Variants in SLC26A3 observed in about 807,000 individuals in gnomAD.
SLC26A3 encodes chloride anion exchanger.
Under a neutral mutation model 85.6 loss-of-function variants are expected in SLC26A3, and 64 were observed. The observed-to-expected ratio is 0.75, with a 90% CI of 0.61 to 0.92. The LOEUF (loss-of-function observed/expected upper bound fraction) is 0.92. Ranked by LOEUF, SLC26A3 falls within the 40% of genes least tolerant of loss-of-function variation. SLC26A3 has a pLI of 0.00. For missense variants in SLC26A3, 922 were observed against 927.3 expected, an observed-to-expected ratio of 0.99 and a Z score of 0.07; for synonymous variants, 349 against 336.0, an observed-to-expected ratio of 1.04 and a Z score of -0.42.
At chr7:107,796,855 A>G (rs201601697) in intron 1 of SLC26A3, among the ~76,000 whole-genome samples, 3 of 151,998 alleles carry the variant, frequency 2.0e-5, no homozygotes, top group Admixed American at 6.5e-5. Context: ...AAAAAAAAAG[A>G]TTCTGCTCTT....
At chr7:107,778,305 C>T (rs1214241124) in intron 12 of SLC26A3, 24 bp from the exon 13 acceptor site, 7 of 1,385,654 alleles carry the variant, frequency 5.1e-6, no homozygotes, top group African/African-American at 4.4e-5. Flanking sequence ...GCAACACATA[C>T]ACTACAATTT....
intron 1 of SLC26A3, among the ~76,000 whole-genome samples, chr7:107,797,106 C>T (rs966022544): frequency 2.0e-5 from 3 of 152,192 alleles, no homozygotes; most frequent in Non-Finnish European, 4.4e-5. Context: ...GATCAAGAGC[C>T]TGAACTCTGG....
At chr7:107,795,918 C>A (rs112548453) in intron 1 of SLC26A3, among the ~76,000 whole-genome samples, 1,962 of 152,078 alleles carry the variant, frequency 0.013, 50 homozygotes, top group African/African-American at 0.045. Context: ...AGATGCTGGC[C>A]TCTACTGCTG....
intron 5 of SLC26A3, among the ~76,000 whole-genome samples, chr7:107,790,512 C>T (rs1466270572): frequency 6.6e-6 from 1 of 152,186 alleles, no homozygotes; most frequent in Non-Finnish European, 1.5e-5. Context: ...AAGTCCATGA[C>T]ATTTTCAGTA....
intron 6 of SLC26A3, 113 bp from the exon 7 acceptor site, chr7:107,787,622 T>A (rs1467073637): frequency 1.5e-5 from 13 of 882,798 alleles, no homozygotes; most frequent in Non-Finnish European, 2.0e-5. Context: ...TGATAGAGAC[T>A]GATAGTGATT....
In SLC26A3 at chr7:107,789,560, T is replaced by C. The variant is rs773309276; in HGVS notation, c.699A>G (p.Thr233=). The C allele has an allele frequency of 1.9e-6, 3 of 1,614,022 alleles. No homozygotes were observed. Among genetic ancestry groups the C allele is most frequent in the Admixed American group, 1.7e-5 (1 of 60,002 alleles). ...VSQLKFIFQL[T]VPSHTDPVSI... ...AAACTGGATCAGTGTGTGACGGGAC[T>C]GTCAACTGAAAAATGAATTTGAGTT... Residue 233 remains threonine (T), a synonymous_variant, in exon 6 of 21, where the codon ACA becomes ACG. Transcript: ENST00000340010.
Position 107,765,702 on chromosome 7 carries a change from A to G in SLC26A3, c.*153T>C. On this transcript the variant is annotated 3_prime_UTR_variant, in exon 21 of 21. Coordinates refer to ENST00000340010, the MANE Select transcript of SLC26A3 (RefSeq NM_000111.3). ...TAATTTCATACTAGATATGTGAAAAATATGCCATGCTAGAACCATCTTGTT... is the reference window on the plus strand; with the variant it reads ...TAATTTCATACTAGATATGTGAAAAGTATGCCATGCTAGAACCATCTTGTT... 2 of 575,684 alleles carry G rather than the reference A, an allele frequency of 3.5e-6. No homozygotes were observed. Among genetic ancestry groups the G allele is most frequent in the Non-Finnish European group, 6.2e-6 (2 of 321,106 alleles). 35.7% of individuals were successfully genotyped at this position (575,684 alleles called of 1,614,324 possible). A position where few individuals can be genotyped will look rare whatever the true frequency, so the allele number is the denominator to read the frequency against.
In SLC26A3 at chr7:107,765,657, T is replaced by A. The variant is rs1260925103; in HGVS notation, c.*198A>T. On this transcript the variant is annotated 3_prime_UTR_variant, in exon 21 of 21. Transcript: ENST00000340010. ...CACCCTTTGATAAAGCTACAAGATA[T>A]AAAATTTAGAATACTTATATAATTT... 1.9e-6 allele frequency: 1 copy of A among 526,586 alleles called. No individual in the cohort carries two copies. The highest frequency in any genetic ancestry group is 3.4e-6 in the Non-Finnish European group (1 of 295,924). 32.6% of individuals were successfully genotyped at this position (526,586 alleles called of 1,614,324 possible).
At chr7:107,780,143 A>G (rs2115834219) in intron 11 of SLC26A3, among the ~76,000 whole-genome samples, 1 of 152,046 alleles carries the variant, frequency 6.6e-6, no homozygotes, top group South Asian at 2.1e-4. Context: ...ATTGGAGTCA[A>G]GGAGATGGGG....
At position 107,778,176 on chromosome 7, in the gene SLC26A3, A is replaced by G. The variant is rs768327121; in HGVS notation, c.1513T>C (p.Phe505Leu). ...ATGCAGAGCACTTTGAGCACTCACAATTGGGTCCTGAACACGATGGTTAGC... is the reference window on the plus strand; with the variant it reads ...ATGCAGAGCACTTTGAGCACTCACAGTTGGGTCCTGAACACGATGGTTAGC... ...QLLTIVFRTQ[F>L]PKCSTLANIG... Residue 505 changes from phenylalanine to leucine, a missense_variant and splice_region_variant, in exon 13 of 21, where the codon TTT becomes CTT. By Grantham distance (22) the Phe-to-Leu change is conservative. Transcript: ENST00000340010. The G allele has an allele frequency of 2.5e-6, 4 of 1,610,170 alleles. No individual in the cohort carries two copies. The highest frequency in any genetic ancestry group is 1.7e-4 in the Middle Eastern group (1 of 6,056).
intron 5 of SLC26A3, among the ~76,000 whole-genome samples, chr7:107,790,619 GC>G (rs1254458125): frequency 6.6e-6 from 1 of 151,938 alleles, no homozygotes; most frequent in African/African-American, 2.4e-5. Flanking sequence ...ACAGTTCAAA[GC>G]CCCCATCCCT....
At chr7:107,772,145 G>A (rs1444548863) in intron 17 of SLC26A3, 37 bp from the exon 18 acceptor site, 2 of 1,175,408 alleles carry the variant, frequency 1.7e-6, no homozygotes, top group Non-Finnish European at 2.6e-6. Context: ...TTAGGGAACA[G>A]TTTCACTTGT....
intron 18 of SLC26A3, among the ~76,000 whole-genome samples, chr7:107,770,003 T>C (rs575703747): frequency 3.2e-5 from 1 of 31,068 alleles, no homozygotes; most frequent in Non-Finnish European, 5.5e-5. Flanking sequence ...CTTTTTTCTC[T>C]TTCTTTCTTT....
In SLC26A3 at chr7:107,782,960, C is replaced by A. The variant is rs1345500614; in HGVS notation, c.1233+20G>T. 1 of 1,612,846 alleles carries A rather than the reference C, an allele frequency of 6.2e-7. No homozygotes were observed. Among genetic ancestry groups the A allele is most frequent in the Non-Finnish European group, 8.5e-7 (1 of 1,178,772 alleles). ...GTTACTAACGCTAGGACAGTGCTTG[C>A]AGCAAAGATCTTGACATACCTGTGT... On this transcript the variant is annotated intron_variant, in intron 10 of 20. Transcript: ENST00000340010.
At chr7:107,790,917 T>C in intron 5 of SLC26A3, 131 bp downstream of exon 5, 2 of 952,564 alleles carry the variant, frequency 2.1e-6, no homozygotes, top group Admixed American at 2.0e-5. Flanking sequence ...CAGTATTTCC[T>C]ATGGGCCATG....
chr7:107,791,555 T>C (rs1458168736), intron 4 of SLC26A3, among the ~76,000 whole-genome samples: 1 of 151,868 alleles, frequency 6.6e-6, no homozygotes, highest in African/African-American at 2.4e-5. Flanking sequence ...GAGGTTGCAG[T>C]GAGCTGAGAT....
intron 11 of SLC26A3, 90 bp downstream of exon 11, chr7:107,782,707 C>A: frequency 8.5e-7 from 1 of 1,179,704 alleles, no homozygotes; most frequent in African/African-American, 1.5e-5. Flanking sequence ...TACCTCATTT[C>A]CCCTAGTTTA....
intron 11 of SLC26A3, among the ~76,000 whole-genome samples, chr7:107,780,735 G>A (rs1432031228): frequency 6.6e-6 from 1 of 152,120 alleles, no homozygotes; most frequent in Non-Finnish European, 1.5e-5. Flanking sequence ...TTTACTAACT[G>A]TGAGAATAGA....
Position 107,779,687 on chromosome 7 carries a change from C to T in SLC26A3, c.1388G>A (p.Arg463Gln), listed in dbSNP as rs751483686. ...ACTTACACAATCATATTTGTCCTTT[C>T]GCCACAATCTGCCTATTTCAGCAAA... Reference protein sequence around the residue: ...MQFAEIGRLWRKDKYDCLIWI... With the variant: ...MQFAEIGRLWQKDKYDCLIWI... The change falls in exon 12 of 21, where the codon CGA (arginine) becomes CAA (glutamine). Residue 463 changes from arginine (R) to glutamine (Q), a missense_variant. Arg to Gln is a conservative substitution (Grantham distance 43). Coordinates refer to ENST00000340010, the MANE Select transcript of SLC26A3 (RefSeq NM_000111.3). 2.7e-5 allele frequency: 43 copies of T among 1,613,472 alleles called. No homozygotes were observed. The highest frequency in any genetic ancestry group is 1.6e-4 in the Middle Eastern group (1 of 6,080).
Sources: allele counts gnomAD v4.1 joint callset (sites outside exome capture counted in the v4.1 genomes callset), GRCh38; gene constraint gnomAD v4.1.1; transcripts MANE v1.5; gene names NCBI Gene and HGNC (gene_info 2026-07-23, HGNC 2026-07-21).